PLXDC2: variants seen among roughly 807,000 people sequenced by gnomAD.
PLXDC2 encodes the protein plexin domain containing 2.
Under a neutral mutation model 68.9 loss-of-function variants are expected in PLXDC2, and 40 were observed. That is an observed-to-expected ratio of 0.58 (90% CI 0.45 to 0.76). The LOEUF is 0.76. PLXDC2 is among the 30% of genes least tolerant of loss of function. The pLI is 0.00. For missense variants in PLXDC2, 644 were observed against 661.9 expected, an observed-to-expected ratio of 0.97 and a Z score of 0.30; for synonymous variants, 243 against 234.2, an observed-to-expected ratio of 1.04 and a Z score of -0.34.
chr10:20,244,870 C>T (rs893138202), intron 12 of PLXDC2, among the ~76,000 whole-genome samples: 1 of 152,160 alleles, frequency 6.6e-6, no homozygotes, highest in Non-Finnish European at 1.5e-5. Flanking sequence ...AATCCCAGCA[C>T]TTTGGGAGGC....
intron 12 of PLXDC2, among the ~76,000 whole-genome samples, chr10:20,233,774 C>CA (rs1241489553): frequency 7.9e-5 from 12 of 151,392 alleles, no homozygotes; most frequent in East Asian, 1.9e-4. Flanking sequence ...TCCAGTGTCT[C>CA]AAAAAAAATA....
chr10:20,166,159 C>G (rs1834371545), intron 7 of PLXDC2, among the ~76,000 whole-genome samples: 1 of 152,092 alleles, frequency 6.6e-6, no homozygotes, highest in Non-Finnish European at 1.5e-5. Context: ...CAACTGTAGA[C>G]AGCAACTGGA....
intron 9 of PLXDC2, among the ~76,000 whole-genome samples, chr10:20,211,195 T>G (rs1475070362): frequency 6.6e-6 from 1 of 152,074 alleles, no homozygotes; most frequent in Non-Finnish European, 1.5e-5. Flanking sequence ...GTTAACATTT[T>G]ACTGCACAAA....
intron 4 of PLXDC2, chr10:20,070,990 A>G (rs1486857466): frequency 6.6e-6 from 1 of 151,830 alleles, no homozygotes; most frequent in Non-Finnish European, 1.5e-5. Flanking sequence ...AAAAAAACCT[A>G]GCATCCTGAA....
chr10:20,201,348 G>T (rs1451163703), intron 9 of PLXDC2, among the ~76,000 whole-genome samples: 1 of 151,996 alleles, frequency 6.6e-6, no homozygotes, highest in Non-Finnish European at 1.5e-5. Flanking sequence ...AATAAAAGGT[G>T]ATTTCATGGA....
At chr10:19,912,624 C>G (rs1833294740) in intron 1 of PLXDC2, among the ~76,000 whole-genome samples, 1 of 151,932 alleles carries the variant, frequency 6.6e-6, no homozygotes, top group Non-Finnish European at 1.5e-5. Context: ...TTTCTTTACT[C>G]TTCCTTAAAG....
chr10:20,288,862 G>T lies in PLXDC2; in HGVS notation c.*9043G>T, dbSNP rs1189056274. The T allele has an allele frequency of 1.3e-5, 2 of 152,094 alleles. No homozygotes were observed. Among genetic ancestry groups the T allele is most frequent in the South Asian group, 2.1e-4 (1 of 4,826 alleles). 9.4% of individuals were successfully genotyped at this position (152,094 alleles called of 1,614,324 possible). On this transcript the variant is annotated 3_prime_UTR_variant, in exon 14 of 14. Coordinates refer to ENST00000377252, the MANE Select transcript of PLXDC2 (RefSeq NM_032812.9). Reference sequence around the variant, plus strand: ...ATTTATCTTTAAAGGTGTGGAAGCTGGTGGGGACCAAATGTTACCTGTGTT... The same window carrying T: ...ATTTATCTTTAAAGGTGTGGAAGCTTGTGGGGACCAAATGTTACCTGTGTT...
At chr10:20,231,057 G>T (rs986348414) in intron 12 of PLXDC2, among the ~76,000 whole-genome samples, 1 of 151,168 alleles carries the variant, frequency 6.6e-6, no homozygotes, top group African/African-American at 2.4e-5. Flanking sequence ...AGTATATGAG[G>T]TGAATAGATA....
At chr10:20,125,208 G>C (rs1178737795) in intron 4 of PLXDC2, among the ~76,000 whole-genome samples, 1 of 152,072 alleles carries the variant, frequency 6.6e-6, no homozygotes, top group Non-Finnish European at 1.5e-5. Flanking sequence ...GAGTATTAGG[G>C]AGGTGGTACT....
At chr10:20,100,715 A>C (rs1304066316) in intron 4 of PLXDC2, among the ~76,000 whole-genome samples, 1 of 152,104 alleles carries the variant, frequency 6.6e-6, no homozygotes, top group African/African-American at 2.4e-5. Context: ...TGGTTACTTC[A>C]ATATTTTTTG....
chr10:19,885,703 A>G (rs1420493388), intron 1 of PLXDC2, among the ~76,000 whole-genome samples: 4 of 151,774 alleles, frequency 2.6e-5, no homozygotes, highest in Non-Finnish European at 5.9e-5. Flanking sequence ...GTTCTGTTCC[A>G]TTGATCTATA....
chr10:20,179,547 A>G (rs925174148), intron 9 of PLXDC2, among the ~76,000 whole-genome samples: 11 of 152,238 alleles, frequency 7.2e-5, no homozygotes, highest in Non-Finnish European at 1.0e-4. Flanking sequence ...TAACCAGAAG[A>G]CAATTAGAAG....
chr10:19,842,449 T>C (rs1189099903), intron 1 of PLXDC2, among the ~76,000 whole-genome samples: 1 of 152,174 alleles, frequency 6.6e-6, no homozygotes, highest in Admixed American at 6.5e-5. Context: ...TTCCCACCCC[T>C]GTCCTTTCAT....
intron 12 of PLXDC2, among the ~76,000 whole-genome samples, chr10:20,241,488 A>T (rs1480214469): frequency 2.0e-5 from 3 of 152,196 alleles, no homozygotes. Context: ...CTGCATACAC[A>T]AAAGAAGTAA....
chr10:19,988,795 T>G (rs1834694559), intron 1 of PLXDC2, among the ~76,000 whole-genome samples: 1 of 121,762 alleles, frequency 8.2e-6, no homozygotes, highest in South Asian at 3.1e-4. Context: ...TTTTTTTTTT[T>G]TTTTTTTTTT....
Position 20,134,732 on chromosome 10 carries a change from T to TCCTGGAG in PLXDC2, c.542-8553_542-8547dup, listed in dbSNP as rs529497705. ...TTTGTACCGGGTGCCACATCATTCA[T>TCCTGGAG]CCTGGAGCCTGGAGCCATGGGGGCC... On this transcript the variant is annotated intron_variant, in intron 4 of 13. Transcript: ENST00000377252. Among the ~76,000 whole-genome samples, 538 of 152,218 alleles carry TCCTGGAG rather than the reference T, an allele frequency of 3.5e-3. 5 individuals carry two copies. Among genetic ancestry groups the TCCTGGAG allele is most frequent in the African/African-American group, 0.012 (515 of 41,540 alleles).
intron 2 of PLXDC2, among the ~76,000 whole-genome samples, chr10:20,020,678 T>A (rs1835292937): frequency 6.6e-6 from 1 of 152,214 alleles, no homozygotes; most frequent in South Asian, 2.1e-4. Flanking sequence ...TGAAACTGAT[T>A]TGGGTAGCTA....
At chr10:20,077,536 G>T (rs1319449791) in intron 4 of PLXDC2, among the ~76,000 whole-genome samples, 1 of 152,114 alleles carries the variant, frequency 6.6e-6, no homozygotes, top group East Asian at 1.9e-4. Context: ...TAGCCTGAGG[G>T]CTACAGAGAG....
At chr10:20,024,330 T>C (rs1440902720) in intron 2 of PLXDC2, among the ~76,000 whole-genome samples, 4 of 152,306 alleles carry the variant, frequency 2.6e-5, no homozygotes, top group Non-Finnish European at 5.9e-5. Context: ...CAAAATAATC[T>C]AGTGCATAGA....
Sources: gnomAD v4.1 joint callset for allele counts (sites outside exome capture counted in the v4.1 genomes callset) on GRCh38, gnomAD v4.1.1 for gene constraint, MANE v1.5 for transcripts, NCBI Gene and HGNC (gene_info 2026-07-23, HGNC 2026-07-21) for gene names.